The following ETFB variants were observed in gnomAD, a reference collection of about 807,000 sequenced individuals.
ETFB encodes beta-ETF.
In ETFB, 20 loss-of-function variants were observed where a neutral mutation model predicts 25.6. The observed-to-expected ratio is 0.78, with a 90% CI of 0.55 to 1.14. The LOEUF (loss-of-function observed/expected upper bound fraction) is 1.14. Ranked by LOEUF, ETFB falls within the 50% of genes most tolerant of loss-of-function variation. The pLI is 0.00. For missense variants in ETFB, 286 were observed against 342.6 expected (o/e 0.83, Z 1.30); for synonymous variants, 142 against 146.7 (o/e 0.97, Z 0.23).
chr19:51,355,354 C>T (rs1196064746), intron 1 of ETFB: 1 of 152,294 alleles, frequency 6.6e-6, no homozygotes. Flanking sequence ...CTCATCATCA[C>T]TGGCCATCAG....
chr19:51,361,226 C>T (rs1282394933), intron 1 of ETFB, among the ~76,000 whole-genome samples: 3 of 152,076 alleles, frequency 2.0e-5, no homozygotes, highest in African/African-American at 7.2e-5. Flanking sequence ...CCACCACGCC[C>T]GGCCCAAGAG....
At chr19:51,345,798 GCGC>G (rs1985761566) in intron 5 of ETFB, 3 of 323,452 alleles carry the variant, frequency 9.3e-6, no homozygotes, top group African/African-American at 6.6e-5. Flanking sequence ...CTGAGATGAT[GCGC>G]TGAACCCTCC....
chr19:51,357,553 G>A (rs1377553354), intron 1 of ETFB, among the ~76,000 whole-genome samples: 1 of 128,130 alleles, frequency 7.8e-6, no homozygotes, highest in East Asian at 2.2e-4. Flanking sequence ...GCAGTGGCAT[G>A]ATCTCAGCTC....
At chr19:51,359,242 G>C (rs1296059923) in intron 1 of ETFB, among the ~76,000 whole-genome samples, 1 of 150,880 alleles carries the variant, frequency 6.6e-6, no homozygotes, top group Non-Finnish European at 1.5e-5. Flanking sequence ...ACTTTTTGTA[G>C]AGAAAGGATT....
At chr19:51,347,185 G>A in intron 4 of ETFB, 127 bp from the exon 5 acceptor site, 1 of 940,350 alleles carries the variant, frequency 1.1e-6, no homozygotes, top group South Asian at 1.4e-5. Context: ...ACAATGCAGG[G>A]TCCCATGAGG....
intron 5 of ETFB, chr19:51,345,703 G>T (rs1985757366): frequency 2.3e-6 from 1 of 426,016 alleles, no homozygotes; most frequent in Non-Finnish European, 4.4e-6. Context: ...GGTTGAGATG[G>T]CATGCTGAAG....
At chr19:51,356,635 G>A (rs1259862043) in intron 1 of ETFB, 1 of 152,176 alleles carries the variant, frequency 6.6e-6, no homozygotes, top group African/African-American at 2.4e-5. Flanking sequence ...CATGTGCCAG[G>A]GAGAGAGGCT....
At chr19:51,363,497 G>T (rs1968240) in intron 1 of ETFB, among the ~76,000 whole-genome samples, 4 of 151,890 alleles carry the variant, frequency 2.6e-5, no homozygotes, top group African/African-American at 9.7e-5. Context: ...CACCCAGGCT[G>T]GAGTACAGGG....
intron 1 of ETFB, among the ~76,000 whole-genome samples, chr19:51,360,360 T>C (rs1184970955): frequency 6.9e-6 from 1 of 144,064 alleles, no homozygotes; most frequent in Non-Finnish European, 1.5e-5. Context: ...AGGGATCACA[T>C]CAATGCACTC....
intron 1 of ETFB, among the ~76,000 whole-genome samples, chr19:51,357,587 T>G (rs982877927): frequency 2.7e-5 from 4 of 150,176 alleles, no homozygotes; most frequent in Non-Finnish European, 4.4e-5. Context: ...CCTCCCCAGT[T>G]CAAGCGATTC....
At chr19:51,362,648 A>C (rs1034454393) in intron 1 of ETFB, among the ~76,000 whole-genome samples, 1 of 152,184 alleles carries the variant, frequency 6.6e-6, no homozygotes, top group South Asian at 2.1e-4. Context: ...ATTACAACTC[A>C]ATAAAGTAGA....
intron 4 of ETFB, among the ~76,000 whole-genome samples, chr19:51,349,231 C>T (rs1985870262): frequency 6.6e-6 from 1 of 152,126 alleles, no homozygotes; most frequent in African/African-American, 2.4e-5. Context: ...ATATTAAATG[C>T]ATTCTCTCAG....
In ETFB at chr19:51,345,341, T is replaced by G; in HGVS notation, c.638A>C (p.Asp213Ala). The G allele has an allele frequency of 1.2e-6, 2 of 1,613,988 alleles. No homozygotes were observed. The highest frequency in any genetic ancestry group is 1.3e-5 in the African/African-American group (1 of 74,950). ...CTTGGAGGTCAGGTCCACACCCAGGTCCCCAGGCTTGATCACCTCGATCTT... is the reference window on the plus strand; with the variant it reads ...CTTGGAGGTCAGGTCCACACCCAGGGCCCCAGGCTTGATCACCTCGATCTT... The part of the protein sequence containing the change: ...KKKIEVIKPG[D>A]LGVDLTSKLS... The change falls in exon 6 of 6, where the codon GAC (aspartate) becomes GCC (alanine). Residue 213 changes from aspartate to alanine, a missense_variant. Transcript: ENST00000309244.
intron 2 of ETFB, among the ~76,000 whole-genome samples, chr19:51,353,870 C>T (rs74176137): frequency 2.2e-3 from 19 of 8,730 alleles, no homozygotes; most frequent in Non-Finnish European, 3.5e-3. Context: ...AATCCAGGCC[C>T]CCATCCCCTT....
rs748684435 is a variant in ETFB at position 51,354,159 on chromosome 19, T to A, written c.207A>T (p.Ala69=). ...KEVIAVSCGP[A]QCQETIRTAL... ...CCAAGACCTTCATCACCTGGCACTG[T>A]GCAGGCCCACAGCTGACGGCGATGA... is the stretch of plus-strand genomic sequence containing the variant. Residue 69 remains alanine, a synonymous_variant, in exon 2 of 6, where the codon GCA becomes GCT. Coordinates refer to ENST00000309244, the MANE Select transcript of ETFB (RefSeq NM_001985.3). The A allele has an allele frequency of 6.2e-7, 1 of 1,613,982 alleles. No individual in the cohort carries two copies. The highest frequency in any genetic ancestry group is 1.1e-5 in the South Asian group (1 of 91,066).
intron 1 of ETFB, chr19:51,356,899 T>C (rs1986092278): frequency 6.6e-6 from 1 of 152,144 alleles, no homozygotes; most frequent in Non-Finnish European, 1.5e-5. Flanking sequence ...AATGCCAGCA[T>C]CCTCAGCTCT....
intron 1 of ETFB, 127 bp from the exon 2 acceptor site, chr19:51,354,435 G>A (rs377521762): frequency 1.7e-5 from 28 of 1,613,606 alleles, no homozygotes; most frequent in Middle Eastern, 1.6e-4. Context: ...GGCCTTGTCC[G>A]GGGTCACACA....
intron 4 of ETFB, among the ~76,000 whole-genome samples, chr19:51,349,759 CT>C (rs1220077600): frequency 6.6e-6 from 1 of 151,392 alleles, no homozygotes; most frequent in Non-Finnish European, 1.5e-5. Context: ...TTTCTTTTTT[CT>C]TTTTTTGAGA....
chr19:51,346,598 A>G lies in ETFB; in HGVS notation c.597+302T>C, dbSNP rs144553079. 6 of 382,822 alleles carry G rather than the reference A, an allele frequency of 1.6e-5. No individual in the cohort carries two copies. The Admixed American group carries it at 2.1e-4, about 13-fold the overall frequency. 23.7% of individuals were successfully genotyped at this position (382,822 alleles called of 1,614,324 possible). On this transcript the variant is annotated intron_variant, in intron 5 of 5. Coordinates refer to ENST00000309244, the MANE Select transcript of ETFB (RefSeq NM_001985.3). Reference sequence around the variant, plus strand: ...CCTCCCTAATGAACCTAGATGACCCAGTGAACTTGTTCCACTGGCTGGAAT... The same window carrying G: ...CCTCCCTAATGAACCTAGATGACCCGGTGAACTTGTTCCACTGGCTGGAAT...
Sources: gnomAD v4.1 joint callset for allele counts (sites outside exome capture counted in the v4.1 genomes callset) on GRCh38, gnomAD v4.1.1 for gene constraint, MANE v1.5 for transcripts, NCBI Gene and HGNC (gene_info 2026-07-23, HGNC 2026-07-21) for gene names.